The following MICAL1 variants were observed in gnomAD, a reference collection of about 807,000 sequenced individuals.
MICAL1 encodes [F-actin]-monooxygenase MICAL1.
In MICAL1, 95 loss-of-function variants were observed where a neutral mutation model predicts 131.8. The observed-to-expected ratio is 0.72, with a 90% confidence interval of 0.61 to 0.86. The LOEUF (loss-of-function observed/expected upper bound fraction) is 0.86. Ranked by LOEUF, MICAL1 falls within the 40% of genes least tolerant of loss-of-function variation. The pLI is 0.00. For missense variants in MICAL1, 1,292 were observed against 1,380.6 expected (o/e 0.94, Z 1.02); for synonymous variants, 546 against 554.2 (o/e 0.99, Z 0.21).
At chr6:109,452,182 G>A in intron 6 of MICAL1, 64 bp downstream of exon 6, 6 of 1,553,554 alleles carry the variant, frequency 3.9e-6, no homozygotes, top group Non-Finnish European at 5.2e-6. Context: ...GTTTGGAAGG[G>A]AGAGGCAGGA....
At chr6:109,446,629 C>T (rs1248565211) in intron 18 of MICAL1, 67 bp downstream of exon 18, 31 of 1,531,046 alleles carry the variant, frequency 2.0e-5, no homozygotes, top group East Asian at 2.3e-5. Context: ...CCCAGCAAAG[C>T]GCTGGTTTGA....
chr6:109,447,055 T>G lies in MICAL1; in HGVS notation c.2227+18A>C, dbSNP rs1348536931. On this transcript the variant is annotated intron_variant, in intron 17 of 24. Transcript: ENST00000358807. ...GCCAGGCCCAGAGTCTCTCTGGAGG[T>G]CTCCCAGGCCCACTCACCATCTCCT... is the stretch of plus-strand genomic sequence containing the variant. 8 of 1,611,508 alleles carry G rather than the reference T, an allele frequency of 5.0e-6. No individual in the cohort carries two copies. The Admixed American group carries it at 1.3e-4, about 27-fold the overall frequency.
At chr6:109,451,569 CCA>C in intron 7 of MICAL1, 29 bp downstream of exon 7, 1 of 1,612,138 alleles carries the variant, frequency 6.2e-7, no homozygotes, top group Non-Finnish European at 8.5e-7. Flanking sequence ...GGCTCACCAC[CCA>C]GCCTCTCCTG....
At chr6:109,461,207 T>G (rs761734161) in intron 1 of MICAL1, among the ~76,000 whole-genome samples, 2 of 151,874 alleles carry the variant, frequency 1.3e-5, no homozygotes, top group African/African-American at 2.4e-5. Flanking sequence ...CATGTGGTGT[T>G]TGGTTTTCTG....
chr6:109,454,618 G>GC, intron 1 of MICAL1: 1 of 249,314 alleles, frequency 4.0e-6, no homozygotes, highest in Non-Finnish European at 7.9e-6. Context: ...AGAGGACAGA[G>GC]CTGCCTTTGC....
rs778086767 is a variant in MICAL1, at chr6:109,453,814, A to G, written c.290T>C (p.Leu97Pro). The G allele has an allele frequency of 1.9e-6, 3 of 1,613,604 alleles. No homozygotes were observed. The South Asian group carries it at 3.3e-5, about 18-fold the overall frequency. ...CLVVGAGPCG[L>P]RVAVELALLG... ...CAGCGCCAGCTCCACAGCGACCCGCAGCCCGCAAGGTCCAGCACCCACCAC... is the reference window on the plus strand; with the variant it reads ...CAGCGCCAGCTCCACAGCGACCCGCGGCCCGCAAGGTCCAGCACCCACCAC... The change falls in exon 3 of 25, where the codon CTG becomes CCG. Residue 97 changes from leucine to proline, a missense_variant. By Grantham distance (98) the Leu-to-Pro change is moderately conservative. Transcript: ENST00000358807.
rs1294487310 is a variant in MICAL1 at position 109,444,996 on chromosome 6, C to T, written c.2882-1G>A. ...AGTTTCTTTTGCTGTTCTGGGGAAC[C>T]TGAGAAGAAGGAAGATGGGTAGGGT... On this transcript the variant is annotated splice_acceptor_variant, in intron 22 of 24. Coordinates refer to ENST00000358807, the MANE Select transcript of MICAL1 (RefSeq NM_022765.4). LOFTEE classifies it high-confidence loss of function. 1 of 1,613,498 alleles carries T rather than the reference C, an allele frequency of 6.2e-7. No individual in the cohort carries two copies. Among genetic ancestry groups the T allele is most frequent in the Non-Finnish European group, 8.5e-7 (1 of 1,180,006 alleles).
chr6:109,447,465 G>A (rs1413031288), intron 15 of MICAL1, 25 bp from the exon 16 acceptor site: 1 of 1,601,388 alleles, frequency 6.2e-7, no homozygotes, highest in Admixed American at 1.7e-5. Flanking sequence ...GCTCAGGCAG[G>A]GAGGGTAGAG....
At chr6:109,451,916 G>A (rs1775560228) in intron 6 of MICAL1, 6 of 1,389,110 alleles carry the variant, frequency 4.3e-6, no homozygotes, top group Non-Finnish European at 5.6e-6. Flanking sequence ...AAGCTTGGAG[G>A]GGGGTGGCAT....
At chr6:109,451,152 CTT>C (rs34927673) in intron 7 of MICAL1, among the ~76,000 whole-genome samples, 23,945 of 134,390 alleles carry the variant, frequency 0.18, 3,058 homozygotes, top group African/African-American at 0.39. Flanking sequence ...CAGGGGAGAA[CTT>C]TTTTTTTTTT....
At position 109,446,767 on chromosome 6, in the gene MICAL1, A is replaced by T. The variant is rs767030676; in HGVS notation, c.2233T>A (p.Phe745Ile). The part of the protein sequence containing the change: ...GYEQHPGDGH[F>I]YCLQHLPQTD... ...TGGGGCAGGTGCTGGAGGCAGTAGA[A>T]ATGTCCTGGAAAGGGTAGAGAGGGG... Residue 745 changes from phenylalanine (F) to isoleucine (I), a missense_variant, in exon 18 of 25, where the codon TTC becomes ATC. Transcript: ENST00000358807. 48 of 1,613,328 alleles carry T rather than the reference A, an allele frequency of 3.0e-5. No individual in the cohort carries two copies. The highest frequency in any genetic ancestry group is 4.0e-5 in the Non-Finnish European group (47 of 1,179,842).
intron 3 of MICAL1, 47 bp from the exon 4 acceptor site, chr6:109,453,414 G>C: frequency 6.3e-7 from 1 of 1,587,316 alleles, no homozygotes; most frequent in Non-Finnish European, 8.6e-7. Context: ...GGCAGCACAA[G>C]CTCCCCATGT....
chr6:109,444,776 C>T lies in MICAL1; in HGVS notation c.3004G>A (p.Glu1002Lys). The T allele has an allele frequency of 6.2e-7, 1 of 1,614,158 alleles. No homozygotes were observed. The highest frequency in any genetic ancestry group is 8.5e-7 in the Non-Finnish European group (1 of 1,180,034). ...TCCTGGTCCAGCTGCCACTGTTTCT[C>T]CTCCAGATTCAATTCCTGCACCCTG... Reference protein sequence around the residue: ...MITVQELNLEEKQWQLDQELR... With the variant: ...MITVQELNLEKKQWQLDQELR... The change falls in exon 24 of 25, where the codon GAG becomes AAG. Residue 1002 changes from glutamate to lysine, a missense_variant. Glu to Lys is a moderately conservative substitution (Grantham distance 56). Transcript: ENST00000358807.
upstream of MICAL1, chr6:109,455,932 T>A (rs1282301869): frequency 1.0e-6 from 1 of 985,354 alleles, no homozygotes; most frequent in Non-Finnish European, 1.2e-6. The surrounding 1 kb of genome is among the most constrained non-coding windows in gnomAD (Gnocchi z 4.7). Context: ...TCGCGACTCA[T>A]TAGCATCTCA....
upstream of MICAL1, chr6:109,455,841 C>T: frequency 3.0e-6 from 3 of 985,452 alleles, no homozygotes; most frequent in Non-Finnish European, 3.6e-6. This position sits in a 1 kb window ranked among gnomAD's most constrained non-coding sequence, Gnocchi z 4.7. Context: ...TGCTGGGATG[C>T]GGGGCGGCCC....
chr6:109,452,345 C>T lies in MICAL1; in HGVS notation c.733G>A (p.Val245Met), dbSNP rs1218220302. ...KLAIGITANF[V>M]NGRTVEETQV... ...GTCTCCTCCACGGTGCGTCCATTCA[C>T]AAAGTTGGCTGTGATGCCAATGGCC... is the stretch of plus-strand genomic sequence containing the variant. Residue 245 changes from valine to methionine, a missense_variant, in exon 6 of 25, where the codon GTG (valine) becomes ATG (methionine). Coordinates refer to ENST00000358807, the MANE Select transcript of MICAL1 (RefSeq NM_022765.4). The T allele has an allele frequency of 6.2e-7, 1 of 1,614,116 alleles. No homozygotes were observed. Among genetic ancestry groups the T allele is most frequent in the Non-Finnish European group, 8.5e-7 (1 of 1,180,056 alleles).
At chr6:109,458,801 T>C (rs2115346383), upstream of MICAL1, among the ~76,000 whole-genome samples, 1 of 152,262 alleles carries the variant, frequency 6.6e-6, no homozygotes, top group East Asian at 1.9e-4. Flanking sequence ...ACCTGTAATA[T>C]GGCTTTGTAC....
At chr6:109,449,356 G>A (rs1188120622) in intron 11 of MICAL1, 44 bp downstream of exon 11, 1 of 1,595,876 alleles carries the variant, frequency 6.3e-7, no homozygotes, top group South Asian at 1.1e-5. Flanking sequence ...GCCTCGCTGG[G>A]TAGTACATAT....
upstream of MICAL1, chr6:109,455,877 A>G (rs1008543216): frequency 1.0e-6 from 1 of 985,198 alleles, no homozygotes; most frequent in Non-Finnish European, 1.2e-6. This position sits in a 1 kb window ranked among gnomAD's most constrained non-coding sequence, Gnocchi z 4.7. Context: ...AGTCGCGCGG[A>G]GTGTGGGCTT....
Sources: allele counts gnomAD v4.1 joint callset (sites outside exome capture counted in the v4.1 genomes callset), GRCh38; gene constraint gnomAD v4.1.1; non-coding constraint Gnocchi (gnomAD v3.1); transcripts MANE v1.5; gene names NCBI Gene and HGNC (gene_info 2026-07-23, HGNC 2026-07-21).